Variants in UBE2E2 observed in about 807,000 individuals in gnomAD.
The protein encoded by UBE2E2 is ubiquitin conjugating enzyme E2 E2.
UBE2E2 carries 6 observed loss-of-function variants against 24.7 expected under a neutral mutation model. That is an observed-to-expected ratio of 0.24 (90% CI 0.13 to 0.48). The LOEUF is 0.48. UBE2E2 is among the 20% of genes least tolerant of loss of function. The pLI is 0.99. For missense variants in UBE2E2, 169 were observed against 245.0 expected, an observed-to-expected ratio of 0.69 and a Z score of 2.07; for synonymous variants, 104 against 83.6, an observed-to-expected ratio of 1.24 and a Z score of -1.33.
rs1048090536 is a variant in UBE2E2, at chr3:23,280,392, G to A, written c.227+63080G>A. ...ATCTTTCTTCCTCCTACAGAGAAGT[G>A]TTGACATGGATCAGGATCACACTGG... On this transcript the variant is annotated intron_variant, in intron 3 of 5. Transcript: ENST00000396703. The surrounding 1 kb of genome is among the most constrained non-coding windows in gnomAD (Gnocchi z 4.3). Among the ~76,000 whole-genome samples, 6 of 152,358 alleles carry A rather than the reference G, an allele frequency of 3.9e-5. No individual in the cohort carries two copies. Among genetic ancestry groups the A allele is most frequent in the African/African-American group, 1.4e-4 (6 of 41,578 alleles).
intron 3 of UBE2E2, among the ~76,000 whole-genome samples, chr3:23,321,863 A>G (rs1694746821): frequency 6.6e-6 from 1 of 151,638 alleles, no homozygotes; most frequent in Non-Finnish European, 1.5e-5. Context: ...AGCCCCTTGA[A>G]CCGTTTTTAA....
intron 3 of UBE2E2, among the ~76,000 whole-genome samples, chr3:23,435,494 AC>A (rs1698158526): frequency 6.6e-6 from 1 of 152,212 alleles, no homozygotes; most frequent in African/African-American, 2.4e-5. Flanking sequence ...ATGGCTGAAC[AC>A]GTCAGTTGGG....
At chr3:23,565,361 C>T (rs1322323993) in intron 5 of UBE2E2, among the ~76,000 whole-genome samples, 1 of 151,470 alleles carries the variant, frequency 6.6e-6, no homozygotes, top group Non-Finnish European at 1.5e-5. Context: ...AGAGAGAGGC[C>T]CAACTCTAAT....
At chr3:23,208,584 C>T in intron 1 of UBE2E2, 108 bp from the exon 2 acceptor site, 1 of 841,548 alleles carries the variant, frequency 1.2e-6, no homozygotes, top group East Asian at 3.1e-5. Flanking sequence ...CAATTTAATC[C>T]ATTTTATATT....
At chr3:23,440,037 C>T (rs1045210021) in intron 3 of UBE2E2, among the ~76,000 whole-genome samples, 1 of 151,410 alleles carries the variant, frequency 6.6e-6, no homozygotes, top group Non-Finnish European at 1.5e-5. Context: ...TTTGGGAGGC[C>T]GAGGTGGGTG....
At chr3:23,483,001 T>C (rs1166391520) in intron 3 of UBE2E2, among the ~76,000 whole-genome samples, 1 of 152,236 alleles carries the variant, frequency 6.6e-6, no homozygotes, top group Non-Finnish European at 1.5e-5. Flanking sequence ...CTTCAGACTA[T>C]AATAACTCTA....
chr3:23,351,810 C>T (rs1464125288), intron 3 of UBE2E2, among the ~76,000 whole-genome samples: 1 of 152,152 alleles, frequency 6.6e-6, no homozygotes, highest in Non-Finnish European at 1.5e-5. Context: ...CCGCTGTCAA[C>T]ATTAGACAGA....
At chr3:23,398,192 G>A (rs888392562) in intron 3 of UBE2E2, among the ~76,000 whole-genome samples, 1 of 151,248 alleles carries the variant, frequency 6.6e-6, no homozygotes. Flanking sequence ...GGGCGCCTGC[G>A]ATCCCAGCTA....
At chr3:23,271,552 GGAGAGCTGATTGGTCCATTTTACA>G (rs1023165984) in intron 3 of UBE2E2, among the ~76,000 whole-genome samples, 24 of 152,250 alleles carry the variant, frequency 1.6e-4, no homozygotes, top group African/African-American at 3.1e-4. Flanking sequence ...CCCATTTTAT[GGAGAGCTGATTGGTCCATTTTACA>G]GAGAGCTGAT....
chr3:23,524,469 A>G (rs1694945825), intron 4 of UBE2E2, among the ~76,000 whole-genome samples: 1 of 152,144 alleles, frequency 6.6e-6, no homozygotes, highest in Non-Finnish European at 1.5e-5. Context: ...TATAGCTGTT[A>G]TTTTCCTCAT....
intron 3 of UBE2E2, among the ~76,000 whole-genome samples, chr3:23,240,731 T>C (rs17012897): frequency 0.11 from 16,179 of 152,264 alleles, 987 homozygotes; most frequent in East Asian, 0.13. Flanking sequence ...GATTACTGGA[T>C]AGCTTAAGTA....
intron 3 of UBE2E2, among the ~76,000 whole-genome samples, chr3:23,288,368 A>G (rs1281072847): frequency 6.6e-6 from 1 of 152,180 alleles, no homozygotes; most frequent in Non-Finnish European, 1.5e-5. Context: ...TCATGTGCTG[A>G]GGAGAAAAAT....
intron 3 of UBE2E2, among the ~76,000 whole-genome samples, chr3:23,406,817 G>A (rs1264643532): frequency 1.3e-5 from 2 of 152,182 alleles, no homozygotes; most frequent in African/African-American, 2.4e-5. Context: ...TGGAGAAAGT[G>A]CTTTAAAATT....
chr3:23,522,397 G>T (rs1435982473), intron 4 of UBE2E2, among the ~76,000 whole-genome samples: 1 of 152,172 alleles, frequency 6.6e-6, no homozygotes, highest in East Asian at 1.9e-4. Flanking sequence ...CTTCCAAAGT[G>T]CTGGGATTAC....
At chr3:23,444,328 C>G (rs1698378048) in intron 3 of UBE2E2, among the ~76,000 whole-genome samples, 1 of 152,116 alleles carries the variant, frequency 6.6e-6, no homozygotes, top group South Asian at 2.1e-4. Context: ...ATATTCCTAG[C>G]AGTAACCTGA....
intron 3 of UBE2E2, among the ~76,000 whole-genome samples, chr3:23,453,918 G>T (rs1020288927): frequency 2.0e-5 from 3 of 152,088 alleles, no homozygotes; most frequent in Non-Finnish European, 4.4e-5. Context: ...GAAGATACAC[G>T]TCTAGTAGTA....
At chr3:23,436,603 C>T (rs1248173009) in intron 3 of UBE2E2, among the ~76,000 whole-genome samples, 2 of 151,350 alleles carry the variant, frequency 1.3e-5, no homozygotes, top group Admixed American at 6.6e-5. Flanking sequence ...CAGTGAGCTG[C>T]GATTGAGCCG....
chr3:23,559,964 C>T (rs1695882045), intron 5 of UBE2E2, among the ~76,000 whole-genome samples: 1 of 152,008 alleles, frequency 6.6e-6, no homozygotes, highest in Admixed American at 6.6e-5. Flanking sequence ...CTTTAGAGGC[C>T]AAGAGGCTGT....
intron 3 of UBE2E2, among the ~76,000 whole-genome samples, chr3:23,230,678 C>G (rs1696950903): frequency 6.6e-6 from 1 of 151,388 alleles, no homozygotes; most frequent in South Asian, 2.1e-4. Flanking sequence ...CCCAGCTACT[C>G]AGGAGGCTGA....
Sources: gnomAD v4.1 joint callset for allele counts (sites outside exome capture counted in the v4.1 genomes callset) on GRCh38, gnomAD v4.1.1 for gene constraint, Gnocchi (gnomAD v3.1) non-coding constraint, MANE v1.5 for transcripts, NCBI Gene and HGNC (gene_info 2026-07-23, HGNC 2026-07-21) for gene names.